WDPCP: variants seen among roughly 807,000 people sequenced by gnomAD.
The protein encoded by WDPCP is WD repeat containing planar cell polarity effector.
In WDPCP, 71 loss-of-function variants were observed where a neutral mutation model predicts 93.1. That is an observed-to-expected ratio of 0.76 (90% CI 0.63 to 0.93). WDPCP has a LOEUF of 0.93. Among genes scored for constraint, WDPCP ranks in the 40% least tolerant of loss-of-function variants. WDPCP has a pLI of 0.00. For synonymous variants in WDPCP, 315 were observed against 315.0 expected (o/e 1.00, Z 0.00); for missense variants, 844 against 887.4 (o/e 0.95, Z 0.62).
intron 13 of WDPCP, among the ~76,000 whole-genome samples, chr2:63,266,821 C>A (rs1008526420): frequency 1.3e-5 from 2 of 151,832 alleles, no homozygotes; most frequent in African/African-American, 2.4e-5. Context: ...ATCAATCAAT[C>A]AATAAAATTA....
At chr2:63,161,693 T>C (rs1369600949) in intron 15 of WDPCP, among the ~76,000 whole-genome samples, 1 of 152,028 alleles carries the variant, frequency 6.6e-6, no homozygotes, top group East Asian at 1.9e-4. Context: ...GGTAAAAATA[T>C]ATAGATAAGC....
In WDPCP at chr2:63,434,257, T is replaced by C. The variant is rs567229062; in HGVS notation, c.634-321A>G. The stretch of plus-strand genomic sequence containing the variant: ...TGACAGCATCGACCTACACATATGA[T>C]TTAGGACCAGCTGTATAAAATGACA... On this transcript the variant is annotated intron_variant, in intron 8 of 17. Transcript: ENST00000272321. Among the ~76,000 whole-genome samples the C allele has an allele frequency of 2.2e-3, 339 of 152,294 alleles. 9 individuals carry two copies. Among genetic ancestry groups the C allele is most frequent in the Non-Finnish European group, 1.9e-3 (127 of 68,004 alleles).
At chr2:63,603,715 T>C (rs1439943633) in intron 3 of WDPCP, among the ~76,000 whole-genome samples, 1 of 144,618 alleles carries the variant, frequency 6.9e-6, no homozygotes, top group African/African-American at 2.6e-5. Context: ...TGGAGTGCAG[T>C]GGTGCGATCT....
intron 14 of WDPCP, among the ~76,000 whole-genome samples, chr2:63,209,771 G>A (rs1224155677): frequency 6.6e-6 from 1 of 152,116 alleles, no homozygotes; most frequent in Admixed American, 6.5e-5. Flanking sequence ...CCACTAATTG[G>A]ATACTGATTA....
chr2:63,438,993 C>T (rs1009318682), intron 7 of WDPCP, among the ~76,000 whole-genome samples: 1 of 152,092 alleles, frequency 6.6e-6, no homozygotes, highest in Non-Finnish European at 1.5e-5. Context: ...AACCTGTATT[C>T]AAATCTTAGC....
At chr2:63,481,801 G>A (rs768316505) in intron 6 of WDPCP, among the ~76,000 whole-genome samples, 3 of 151,672 alleles carry the variant, frequency 2.0e-5, no homozygotes, top group Non-Finnish European at 4.4e-5. Context: ...AATACTGCTC[G>A]GGTGATGGGT....
intron 10 of WDPCP, among the ~76,000 whole-genome samples, chr2:63,401,086 C>G (rs1468217184): frequency 6.6e-6 from 1 of 151,988 alleles, no homozygotes; most frequent in African/African-American, 2.4e-5. Flanking sequence ...CAGGCATGAG[C>G]AAAGACTTCA....
In WDPCP at chr2:63,433,708, C is replaced by T. The variant is rs151151104; in HGVS notation, c.825+37G>A. ...AAATCTAATAATTCTATTTTATTTA[C>T]ACTTTATTAAAATGTACATATTTGT... On this transcript the variant is annotated intron_variant, in intron 9 of 17. Transcript: ENST00000272321. The T allele has an allele frequency of 6.6e-6, 10 of 1,515,574 alleles. No homozygotes were observed. In the African/African-American group the frequency reaches 8.4e-5, roughly 13 times the overall value. The allele number at this position is 1,515,574 out of a possible 1,614,324, so 93.9% of individuals were successfully genotyped here.
intron 1 of WDPCP, among the ~76,000 whole-genome samples, chr2:63,579,932 A>C (rs1708386669): frequency 6.6e-6 from 1 of 152,188 alleles, no homozygotes; most frequent in Non-Finnish European, 1.5e-5. Flanking sequence ...TAATGTTGCT[A>C]TCAGGAGAAT....
intron 14 of WDPCP, among the ~76,000 whole-genome samples, chr2:63,257,685 A>G (rs1681257187): frequency 6.6e-6 from 1 of 152,178 alleles, no homozygotes; most frequent in Admixed American, 6.6e-5. Context: ...CTGGCTAGGA[A>G]TTATCCGCTG....
chr2:63,211,967 A>G (rs1676855201), intron 14 of WDPCP, among the ~76,000 whole-genome samples: 1 of 152,240 alleles, frequency 6.6e-6, no homozygotes, highest in African/African-American at 2.4e-5. Context: ...TATGGGGACT[A>G]TGTGAAAAGA....
chr2:63,220,560 G>A (rs1265258556), intron 14 of WDPCP, among the ~76,000 whole-genome samples: 1 of 147,996 alleles, frequency 6.8e-6, no homozygotes, highest in Non-Finnish European at 1.5e-5. Flanking sequence ...GTTTTTTTTT[G>A]TCTGAAGTTC....
rs573364548 is a variant in WDPCP, at chr2:63,600,374, C to T, written n.488+50285G>A. On this transcript the variant is annotated intron_variant and non_coding_transcript_variant, in intron 3 of 4. Transcript: ENST00000467687. ...GGAAGTCAGAGAACCTGCTCAGAGT[C>T]ATACAGCTCATAAATTACGGAGCCA... 2.0e-5 allele frequency among the ~76,000 whole-genome samples: 3 copies of T among 152,270 alleles called. No homozygotes were observed. The South Asian group carries it at 6.2e-4, about 32-fold the overall frequency.
chr2:63,420,361 TAAA>T (rs60889615), intron 9 of WDPCP, among the ~76,000 whole-genome samples: 2 of 120,530 alleles, frequency 1.7e-5, no homozygotes, highest in Non-Finnish European at 3.3e-5. Context: ...CATCTTTACT[TAAA>T]AAAAAAAAAA....
intron 12 of WDPCP, 165 bp downstream of exon 12, chr2:63,378,215 TAAAATG>T: frequency 1.1e-6 from 1 of 905,350 alleles, no homozygotes; most frequent in South Asian, 1.7e-5. Flanking sequence ...AATATTTCCT[TAAAATG>T]AAAACAATAA....
At chr2:63,214,254 C>A (rs1219123641) in intron 14 of WDPCP, among the ~76,000 whole-genome samples, 1 of 152,162 alleles carries the variant, frequency 6.6e-6, no homozygotes, top group Non-Finnish European at 1.5e-5. Context: ...TCCAGCCGCA[C>A]ATCAAAAAGC....
rs192029516 is a variant in WDPCP at position 63,250,678 on chromosome 2, C to T, written c.1915+8629G>A. On this transcript the variant is annotated intron_variant, in intron 14 of 17. Transcript: ENST00000272321. ...ATGAGAAAGATGAGGGTTGTATGGT[C>T]AAAATTTTTGGAAATGTTAAGATAA... Among the ~76,000 whole-genome samples, 3 of 152,148 alleles carry T rather than the reference C, an allele frequency of 2.0e-5. No homozygotes were observed. In the East Asian group the frequency reaches 5.8e-4, roughly 29 times the overall value.
intron 1 of WDPCP, among the ~76,000 whole-genome samples, chr2:63,502,235 T>A (rs1701604306): frequency 6.6e-6 from 1 of 152,222 alleles, no homozygotes; most frequent in African/African-American, 2.4e-5. Flanking sequence ...AACAGATAGA[T>A]CTACCTGATG....
chr2:63,642,372 G>C (rs898449718), intron 3 of WDPCP: 1 of 151,708 alleles, frequency 6.6e-6, no homozygotes, highest in Non-Finnish European at 1.5e-5. Flanking sequence ...TTTTGATAAG[G>C]ATTGCATTGA....
Sources: gnomAD v4.1 joint callset for allele counts (sites outside exome capture counted in the v4.1 genomes callset) on GRCh38, gnomAD v4.1.1 for gene constraint, MANE v1.5 for transcripts, NCBI Gene and HGNC (gene_info 2026-07-23, HGNC 2026-07-21) for gene names.